PROS1: variants seen among roughly 807,000 people sequenced by gnomAD.
PROS1 encodes protein S, also known as vitamin K-dependent protein S.
In PROS1, 29 loss-of-function variants were observed where a neutral mutation model predicts 75.9. The ratio of observed to expected loss-of-function variants is 0.38; its 90% CI spans 0.28 to 0.52. PROS1 has a LOEUF of 0.52. PROS1 is among the 20% of genes least tolerant of loss of function. The probability of loss-of-function intolerance (pLI) is 0.83; values close to 1 mark genes in which losing one functional copy is unlikely to be tolerated. For missense variants in PROS1, 680 were observed against 810.3 expected (o/e 0.84, Z 1.95); for synonymous variants, 245 against 280.6 (o/e 0.87, Z 1.27).
At chr3:93,957,162 T>C (rs1433817448) in intron 1 of PROS1, among the ~76,000 whole-genome samples, 1 of 152,178 alleles carries the variant, frequency 6.6e-6, no homozygotes, top group Non-Finnish European at 1.5e-5. Flanking sequence ...GTATCTATTT[T>C]AAAGGGTGAT....
chr3:93,883,327 C>T (rs1399539983), intron 12 of PROS1, among the ~76,000 whole-genome samples: 5 of 152,254 alleles, frequency 3.3e-5, no homozygotes, highest in Non-Finnish European at 4.4e-5. Context: ...AGGCCAGGCA[C>T]GGTGGCTCAA....
chr3:93,953,377 C>T (rs1185882991), intron 1 of PROS1, among the ~76,000 whole-genome samples: 1 of 152,258 alleles, frequency 6.6e-6, no homozygotes, highest in African/African-American at 2.4e-5. Flanking sequence ...AAAGCTTATC[C>T]ACCCCGATCA....
rs766878244 is a variant in PROS1 at position 93,874,228 on chromosome 3, A to G, written c.*17T>C. 6.2e-7 allele frequency: 1 copy of G among 1,612,786 alleles called. No individual in the cohort carries two copies. Among genetic ancestry groups the G allele is most frequent in the African/African-American group, 1.3e-5 (1 of 74,896 alleles). ...TTACACACAAGGAAAAGGTATTATA[A>G]GCAGAGAAAAGATGCCTTAAGAATT... On this transcript the variant is annotated 3_prime_UTR_variant, in exon 15 of 15. Coordinates refer to ENST00000394236, the MANE Select transcript of PROS1 (RefSeq NM_000313.4).
At chr3:93,905,483 T>C (rs1276353067) in intron 6 of PROS1, among the ~76,000 whole-genome samples, 1 of 152,134 alleles carries the variant, frequency 6.6e-6, no homozygotes, top group East Asian at 1.9e-4. Context: ...CATGCACTTG[T>C]AGTCCCAGCT....
At chr3:93,884,950 C>T (rs894963477) in intron 11 of PROS1, 54 bp from the exon 12 acceptor site, 5 of 1,440,378 alleles carry the variant, frequency 3.5e-6, no homozygotes, top group Admixed American at 1.9e-5. Context: ...AACAGTGGCT[C>T]GATTATGAGT....
chr3:93,892,121 G>A lies in PROS1; in HGVS notation c.1155+812C>T, dbSNP rs1189003528. Among the ~76,000 whole-genome samples, 4 of 152,038 alleles carry A rather than the reference G, an allele frequency of 2.6e-5. 1 individual carries two copies. The highest frequency in any genetic ancestry group is 5.9e-5 in the Non-Finnish European group (4 of 68,016). On this transcript the variant is annotated intron_variant, in intron 10 of 14. Coordinates refer to ENST00000394236, the MANE Select transcript of PROS1 (RefSeq NM_000313.4). ...GAAGTGGGTGAATAGCTTGAGCCCA[G>A]GAGTTTGAGACCAGCCTTGCCAACA...
chr3:93,960,532 C>CTTT lies in PROS1; in HGVS notation c.76+13139_76+13141dup, dbSNP rs774875701. Reference sequence around the variant, plus strand: ...AAACAAGTACACCACCTCCATTGCTCTTTTTTTTTTTTTTTTTTTTTTTTT... The same window carrying CTTT: ...AAACAAGTACACCACCTCCATTGCTCTTTTTTTTTTTTTTTTTTTTTTTTTTTT... On this transcript the variant is annotated intron_variant, in intron 1 of 14. Coordinates refer to ENST00000394236, the MANE Select transcript of PROS1 (RefSeq NM_000313.4). Among the ~76,000 whole-genome samples, 212 of 50,152 alleles carry CTTT rather than the reference C, an allele frequency of 4.2e-3. 31 individuals are homozygous for CTTT. Among genetic ancestry groups the CTTT allele is most frequent in the African/African-American group, 9.6e-3 (104 of 10,828 alleles). 32.9% of individuals were successfully genotyped at this position (50,152 alleles called of 152,430 possible). A position where few individuals can be genotyped will look rare whatever the true frequency, so the allele number is the denominator to read the frequency against.
chr3:93,927,194 CAGTCTGT>C, intron 2 of PROS1, 49 bp downstream of exon 2: 1 of 1,601,580 alleles, frequency 6.2e-7, no homozygotes, highest in Admixed American at 1.7e-5. Flanking sequence ...TGGAAATGTT[CAGTCTGT>C]AGTTGTATGT....
chr3:93,901,432 G>T (rs1576184477), intron 6 of PROS1, among the ~76,000 whole-genome samples: 3 of 152,202 alleles, frequency 2.0e-5, no homozygotes, highest in East Asian at 3.9e-4. Flanking sequence ...AATCCAATAT[G>T]AATTTAGTGC....
chr3:93,968,481 C>T (rs886557889), intron 1 of PROS1, among the ~76,000 whole-genome samples: 1 of 152,168 alleles, frequency 6.6e-6, no homozygotes, highest in African/African-American at 2.4e-5. Context: ...AATTGTGAGA[C>T]CACAACTTTC....
rs576595754 is a variant in PROS1, at chr3:93,919,241, T to C, written c.259+4999A>G. Among the ~76,000 whole-genome samples the C allele has an allele frequency of 5.9e-5, 9 of 152,352 alleles. No individual in the cohort carries two copies. In the South Asian group the frequency reaches 1.7e-3, roughly 28 times the overall value. ...TAAATAGGAATGTACTTAATGGCTC[T>C]CAGAGGTGCATTCTCACCAGTGGAG... On this transcript the variant is annotated intron_variant, in intron 3 of 14. Transcript: ENST00000394236.
At chr3:93,954,786 G>C (rs1208446153) in intron 1 of PROS1, among the ~76,000 whole-genome samples, 1 of 152,144 alleles carries the variant, frequency 6.6e-6, no homozygotes, top group Non-Finnish European at 1.5e-5. Flanking sequence ...AGAGTGAACA[G>C]GCAACCTACA....
At chr3:93,942,638 T>G (rs1027892278) in intron 1 of PROS1, among the ~76,000 whole-genome samples, 1 of 152,178 alleles carries the variant, frequency 6.6e-6, no homozygotes, top group Non-Finnish European at 1.5e-5. Flanking sequence ...ACAAGGCAAA[T>G]GGTTCTTGGA....
At chr3:93,944,900 T>G (rs997980137) in intron 1 of PROS1, among the ~76,000 whole-genome samples, 1 of 151,434 alleles carries the variant, frequency 6.6e-6, no homozygotes, top group Non-Finnish European at 1.5e-5. Context: ...ACAAAATTGA[T>G]AGAATAATAA....
intron 9 of PROS1, among the ~76,000 whole-genome samples, chr3:93,895,626 AT>A (rs937987512): frequency 3.3e-5 from 5 of 152,142 alleles, no homozygotes; most frequent in African/African-American, 1.2e-4. Flanking sequence ...TGTCTCAAGT[AT>A]TTTGCCTTCT....
Position 93,879,134 on chromosome 3 carries a change from A to C in PROS1, c.1644+29T>G, listed in dbSNP as rs370949233. The C allele has an allele frequency of 3.3e-5, 53 of 1,599,220 alleles. No individual in the cohort carries two copies. The South Asian group carries it at 5.7e-4, about 17-fold the overall frequency. On this transcript the variant is annotated intron_variant, in intron 13 of 14. Transcript: ENST00000394236. ...ATTTTAAAAAATGAAAAGAAAAACAAGGCTTATATAGGTTTAGAGTTAAGT... is the reference window on the plus strand; with the variant it reads ...ATTTTAAAAAATGAAAAGAAAAACACGGCTTATATAGGTTTAGAGTTAAGT...
At chr3:93,874,879 GAAAC>G (rs1708159503) in intron 14 of PROS1, among the ~76,000 whole-genome samples, 1 of 151,964 alleles carries the variant, frequency 6.6e-6, no homozygotes, top group African/African-American at 2.4e-5. Flanking sequence ...TTTTTCCAAA[GAAAC>G]AATTTTTTTG....
chr3:93,966,145 CA>C (rs1306667775), intron 1 of PROS1, among the ~76,000 whole-genome samples: 2 of 152,136 alleles, frequency 1.3e-5, no homozygotes, highest in African/African-American at 2.4e-5. Context: ...TAACCTCTCT[CA>C]GGGGTGGTCC....
chr3:93,875,616 C>T (rs1708170603), intron 14 of PROS1, among the ~76,000 whole-genome samples: 2 of 141,754 alleles, frequency 1.4e-5, no homozygotes, highest in Non-Finnish European at 3.0e-5. Flanking sequence ...GGCATGCTCA[C>T]TACTTACCTC....
Sources: allele counts gnomAD v4.1 joint callset (sites outside exome capture counted in the v4.1 genomes callset), GRCh38; gene constraint gnomAD v4.1.1; transcripts MANE v1.5; gene names NCBI Gene and HGNC (gene_info 2026-07-23, HGNC 2026-07-21).